Variants in ANK2 observed in about 807,000 individuals in gnomAD.
The protein encoded by ANK2 is ankyrin-2.
ANK2 carries 83 observed loss-of-function variants against 360.5 expected under a neutral mutation model. The observed-to-expected ratio is 0.23, with a 90% CI of 0.19 to 0.28. ANK2 has a LOEUF of 0.28. Ranked by LOEUF, ANK2 falls within the 10% of genes least tolerant of loss-of-function variation. The probability of loss-of-function intolerance (pLI) is 1.00; values close to 1 mark genes in which losing one functional copy is unlikely to be tolerated. For missense variants in ANK2, 4,201 were observed against 4,795.7 expected (o/e 0.88, Z 3.66); for synonymous variants, 1,740 against 1,759.5 (o/e 0.99, Z 0.28).
rs1252658200 is a variant in ANK2, at chr4:113,369,568, C to T, written c.11373C>T (p.Pro3791=). The change falls in exon 43 of 46, where the codon CCC becomes CCT. Residue 3791 remains proline, a synonymous_variant. Coordinates refer to ENST00000357077, the MANE Select transcript of ANK2 (RefSeq NM_001148.6). ...TSETQKAMIV[P]SSPSKTPEEV... The stretch of plus-strand genomic sequence containing the variant: ...AGACTCAGAAGGCTATGATAGTACC[C>T]AGCTCTCCCAGCAAGACACCTGAGG... 8.1e-6 allele frequency: 13 copies of T among 1,614,126 alleles called. No homozygotes were observed. Among genetic ancestry groups the T allele is most frequent in the Non-Finnish European group, 1.1e-5 (13 of 1,180,008 alleles).
intron 1 of ANK2, among the ~76,000 whole-genome samples, chr4:112,847,294 G>T (rs2063536779): frequency 6.6e-6 from 1 of 152,130 alleles, no homozygotes; most frequent in South Asian, 2.1e-4. Flanking sequence ...TACTAAGTTT[G>T]CTGCTCCTAC....
At chr4:113,199,827 C>T (rs565359031) in intron 4 of ANK2, among the ~76,000 whole-genome samples, 1 of 152,224 alleles carries the variant, frequency 6.6e-6, no homozygotes, top group African/African-American at 2.4e-5. Flanking sequence ...CAGACTATAT[C>T]ATGGAGGATA....
At position 113,354,072 on chromosome 4, in the gene ANK2, T is replaced by A; in HGVS notation, c.5454T>A (p.His1818Gln). Residue 1818 changes from histidine to glutamine, a missense_variant, in exon 38 of 46, where the codon CAT becomes CAA. Transcript: ENST00000357077. ...CACCCTCTCTGAAGTCAGAGAGACA[T>A]GCGCCAGGGTCTCCCTCCCCTAAAA... The part of the protein sequence containing the change: ...AASPSLKSER[H>Q]APGSPSPKTE... The A allele has an allele frequency of 6.2e-7, 1 of 1,613,984 alleles. No homozygotes were observed. Among genetic ancestry groups the A allele is most frequent in the Non-Finnish European group, 8.5e-7 (1 of 1,179,968 alleles).
At chr4:112,817,454 A>C (rs2055764856), upstream of ANK2, among the ~76,000 whole-genome samples, 1 of 152,120 alleles carries the variant, frequency 6.6e-6, no homozygotes, top group South Asian at 2.1e-4. Flanking sequence ...TTATCTGCCT[A>C]TCCGTCCAGG....
intron 2 of ANK2, among the ~76,000 whole-genome samples, chr4:112,927,410 G>T (rs1199160012): frequency 6.6e-6 from 1 of 152,008 alleles, no homozygotes; most frequent in Non-Finnish European, 1.5e-5. Flanking sequence ...TTTTCCATCT[G>T]GGATATTTCT....
At chr4:113,030,896 G>A (rs914089487) in intron 2 of ANK2, among the ~76,000 whole-genome samples, 1 of 151,962 alleles carries the variant, frequency 6.6e-6, no homozygotes, top group African/African-American at 2.4e-5. Flanking sequence ...TTTAAGTGAG[G>A]GGGATGTTGA....
intron 1 of ANK2, among the ~76,000 whole-genome samples, chr4:113,148,738 A>G (rs111989312): frequency 0.015 from 2,276 of 152,274 alleles, 54 homozygotes; most frequent in African/African-American, 0.051. Context: ...TTCAGCATTT[A>G]TATGGGGGGA....
intron 4 of ANK2, among the ~76,000 whole-genome samples, chr4:113,214,926 C>A (rs1444716620): frequency 6.6e-6 from 1 of 152,046 alleles, no homozygotes; most frequent in East Asian, 1.9e-4. Context: ...ACATGTGAAC[C>A]AACAATGTCA....
intron 1 of ANK2, among the ~76,000 whole-genome samples, chr4:113,163,771 A>G (rs2097648494): frequency 2.6e-5 from 2 of 77,446 alleles, no homozygotes; most frequent in Non-Finnish European, 5.3e-5. Context: ...TCTCAAAAAA[A>G]AAAAAAAAAA....
chr4:113,377,017 T>G (rs1346681297), intron 45 of ANK2, among the ~76,000 whole-genome samples: 1 of 152,100 alleles, frequency 6.6e-6, no homozygotes, highest in African/African-American at 2.4e-5. Flanking sequence ...CTGAGGCTCC[T>G]TGATAATTAA....
At chr4:112,945,788 C>T (rs2094509202) in intron 2 of ANK2, among the ~76,000 whole-genome samples, 2 of 152,224 alleles carry the variant, frequency 1.3e-5, no homozygotes, top group East Asian at 1.9e-4. Context: ...CATGAGGAGC[C>T]GAAGCTTTAA....
intron 10 of ANK2, among the ~76,000 whole-genome samples, chr4:113,255,507 A>T (rs943421344): frequency 3.9e-5 from 6 of 152,224 alleles, no homozygotes; most frequent in African/African-American, 1.4e-4. Flanking sequence ...CATGACAGAC[A>T]TACTAATTTG....
At chr4:113,322,282 G>A (rs926236802) in intron 26 of ANK2, among the ~76,000 whole-genome samples, 4 of 152,102 alleles carry the variant, frequency 2.6e-5, no homozygotes, top group Non-Finnish European at 5.9e-5. Flanking sequence ...TAAAAAATCA[G>A]TATCAGTATT....
chr4:112,772,886 TG>T, the ANK2 span, among the ~76,000 whole-genome samples: 27 of 152,154 alleles, frequency 1.8e-4, no homozygotes, highest in African/African-American at 6.3e-4. Context: ...GTGACGGTAC[TG>T]GGGAGCGTGT....
intron 2 of ANK2, among the ~76,000 whole-genome samples, chr4:113,023,964 T>C (rs1316380364): frequency 2.6e-5 from 4 of 152,208 alleles, no homozygotes; most frequent in African/African-American, 9.6e-5. Flanking sequence ...GAAGATAATT[T>C]TGAAAGGCAA....
the ANK2 span, chr4:112,788,824 C>T: frequency 7.0e-5 from 73 of 1,040,486 alleles, no homozygotes; most frequent in Non-Finnish European, 9.3e-5. Context: ...TGCTTCTTCA[C>T]GACAGCAGGG....
rs557465875 is a variant in ANK2, at chr4:112,885,890, T to C, written c.-39-18565T>C. Among the ~76,000 whole-genome samples, 47 of 151,932 alleles carry C rather than the reference T, an allele frequency of 3.1e-4. 1 individual carries two copies. The highest frequency in any genetic ancestry group is 1.1e-3 in the African/African-American group (46 of 41,406). On this transcript the variant is annotated intron_variant, in intron 1 of 30. Coordinates refer to the ANK2 transcript ENST00000503271. ...ATCTATTCCTTACCAAGTTTTTCTCTGAGATGGTATTTTTTGAACATCTAA... is the reference window on the plus strand; with the variant it reads ...ATCTATTCCTTACCAAGTTTTTCTCCGAGATGGTATTTTTTGAACATCTAA...
the ANK2 span, among the ~76,000 whole-genome samples, chr4:112,724,434 A>G: frequency 6.6e-6 from 1 of 152,176 alleles, no homozygotes; most frequent in Non-Finnish European, 1.5e-5. Context: ...AATATGTGTT[A>G]GGCAGGTTAA....
chr4:112,908,637 A>G (rs1488209729), intron 2 of ANK2, among the ~76,000 whole-genome samples: 2 of 152,204 alleles, frequency 1.3e-5, no homozygotes, highest in Non-Finnish European at 2.9e-5. Flanking sequence ...TCTAAAAACT[A>G]TAATGATTAG....
Sources: allele counts gnomAD v4.1 joint callset (sites outside exome capture counted in the v4.1 genomes callset), GRCh38; gene constraint gnomAD v4.1.1; transcripts MANE v1.5; gene names NCBI Gene and HGNC (gene_info 2026-07-23, HGNC 2026-07-21).